The following CUEDC1 variants were observed in gnomAD, a reference collection of about 807,000 sequenced individuals.
CUEDC1 encodes CUE domain containing 1, also known as CUE domain-containing protein 1.
A neutral mutation model predicts 43.7 loss-of-function variants in CUEDC1; 30 were observed. The ratio of observed to expected loss-of-function variants is 0.69; its 90% CI spans 0.51 to 0.93. The LOEUF is 0.93. Among genes scored for constraint, CUEDC1 ranks in the 40% least tolerant of loss-of-function variants. The pLI is 0.00. For synonymous variants in CUEDC1, 223 were observed against 223.6 expected, an observed-to-expected ratio of 1.00 and a Z score of 0.02; for missense variants, 486 against 549.0, an observed-to-expected ratio of 0.89 and a Z score of 1.15.
chr17:57,935,779 A>G (rs1357534370), intron 1 of CUEDC1, among the ~76,000 whole-genome samples: 1 of 152,028 alleles, frequency 6.6e-6, no homozygotes, highest in Non-Finnish European at 1.5e-5. Flanking sequence ...GTCCCACCCC[A>G]ATTCCTTCCT....
intron 1 of CUEDC1, among the ~76,000 whole-genome samples, chr17:57,904,244 G>A (rs2074504683): frequency 1.3e-5 from 2 of 152,180 alleles, no homozygotes; most frequent in South Asian, 2.1e-4. Flanking sequence ...ACCCCACCGC[G>A]TCTCCTAGGT....
At chr17:57,928,734 G>A (rs947618673) in intron 1 of CUEDC1, among the ~76,000 whole-genome samples, 12 of 145,826 alleles carry the variant, frequency 8.2e-5, no homozygotes, top group African/African-American at 2.0e-4. Flanking sequence ...ACTGGCATTC[G>A]AGAATTAGAG....
rs1412949049 is a variant in CUEDC1, at chr17:57,954,435, C to CT, written c.-316+789dup. Among the ~76,000 whole-genome samples, 1 of 152,182 alleles carries CT rather than the reference C, an allele frequency of 6.6e-6. No individual in the cohort carries two copies. Among genetic ancestry groups the CT allele is most frequent in the African/African-American group, 2.4e-5 (1 of 41,444 alleles). ...CAGTGTACGTTTCTTAGAGCTAAAA[C>CT]TTTTTTTAAGGGGAAAAGAAATGGG... On this transcript the variant is annotated intron_variant, in intron 1 of 10. Transcript: ENST00000577830. The surrounding 1 kb of genome is among the most constrained non-coding windows in gnomAD (Gnocchi z 4.3).
chr17:57,916,896 A>AG (rs113656477), intron 1 of CUEDC1, among the ~76,000 whole-genome samples: 1 of 151,958 alleles, frequency 6.6e-6, no homozygotes, highest in Admixed American at 6.6e-5. Context: ...CAGGAGGAGG[A>AG]GGGGGTCAAG....
At position 57,862,813 on chromosome 17, in the gene CUEDC1, G is replaced by T; in HGVS notation, c.*476C>A. The stretch of plus-strand genomic sequence containing the variant: ...GGAGGGAGCTGAGGAAGGGGGACCA[G>T]AAGGGAGCTGAGGAAAGGGGGTCAG... On this transcript the variant is annotated 3_prime_UTR_variant, in exon 11 of 11. Coordinates refer to ENST00000577830, the MANE Select transcript of CUEDC1 (RefSeq NM_001271875.2). The T allele has an allele frequency of 6.5e-6, 1 of 152,798 alleles. No homozygotes were observed. The allele number at this position is 152,798 out of a possible 1,614,324, so 9.5% of individuals were successfully genotyped here.
At chr17:57,870,066 T>A (rs1335323904) in intron 6 of CUEDC1, 5 of 152,558 alleles carry the variant, frequency 3.3e-5, no homozygotes, top group Non-Finnish European at 7.3e-5. Flanking sequence ...ATTTTCTCCC[T>A]TCAAGCTGGG....
At chr17:57,889,696 A>T (rs1304531862) in intron 1 of CUEDC1, among the ~76,000 whole-genome samples, 2 of 152,250 alleles carry the variant, frequency 1.3e-5, no homozygotes, top group Non-Finnish European at 2.9e-5. Context: ...GCTCAGAAAC[A>T]GTAATGGGAA....
Position 57,885,232 on chromosome 17 carries a change from C to T in CUEDC1, c.333G>A (p.Pro111=), listed in dbSNP as rs771931825. The T allele has an allele frequency of 6.4e-7, 1 of 1,572,026 alleles. No homozygotes were observed. The highest frequency in any genetic ancestry group is 8.6e-7 in the Non-Finnish European group (1 of 1,156,188). The part of the protein sequence containing the change: ...DSSDSEDSIP[P]EILERTLEPD... ...ATTACCCGGGCTGCGCCCCTACCTCCGGGGGGATGCTGTCCTCCGAGTCGG... is the reference window on the plus strand; with the variant it reads ...ATTACCCGGGCTGCGCCCCTACCTCTGGGGGGATGCTGTCCTCCGAGTCGG... The change falls in exon 2 of 11, where the codon CCG becomes CCA. Residue 111 remains proline (P), a synonymous_variant. Coordinates refer to ENST00000577830, the MANE Select transcript of CUEDC1 (RefSeq NM_001271875.2).
intron 1 of CUEDC1, among the ~76,000 whole-genome samples, chr17:57,916,481 G>A (rs1013135407): frequency 6.6e-6 from 1 of 152,236 alleles, no homozygotes; most frequent in Non-Finnish European, 1.5e-5. Context: ...GCAACACAAA[G>A]GCTGCACCTG....
chr17:57,901,074 A>G (rs1281615548), intron 1 of CUEDC1, among the ~76,000 whole-genome samples: 3 of 152,242 alleles, frequency 2.0e-5, no homozygotes, highest in African/African-American at 7.2e-5. Context: ...TCTGATACAC[A>G]GTAAATTGTG....
chr17:57,894,554 C>T (rs1291784233), intron 1 of CUEDC1, among the ~76,000 whole-genome samples: 2 of 152,036 alleles, frequency 1.3e-5, no homozygotes, highest in Non-Finnish European at 2.9e-5. Flanking sequence ...GCCTGTAATC[C>T]CAGCTACTTG....
chr17:57,882,414 G>A (rs555599329), intron 2 of CUEDC1, among the ~76,000 whole-genome samples: 1 of 152,216 alleles, frequency 6.6e-6, no homozygotes, highest in South Asian at 2.1e-4. Flanking sequence ...GCCTACCTAG[G>A]GGGTGGTGAA....
chr17:57,934,274 C>T (rs1015217438), intron 1 of CUEDC1, among the ~76,000 whole-genome samples: 3 of 152,050 alleles, frequency 2.0e-5, no homozygotes, highest in African/African-American at 7.2e-5. Flanking sequence ...TGCCTATAGT[C>T]CCAGCTACTC....
chr17:57,929,823 C>T (rs972485722), intron 1 of CUEDC1, among the ~76,000 whole-genome samples: 16 of 152,036 alleles, frequency 1.1e-4, no homozygotes, highest in African/African-American at 2.2e-4. Flanking sequence ...TTTTTTGAGA[C>T]GGAGTTTCGC....
At chr17:57,902,529 A>T (rs139251152) in intron 1 of CUEDC1, among the ~76,000 whole-genome samples, 1 of 152,336 alleles carries the variant, frequency 6.6e-6, no homozygotes, top group East Asian at 1.9e-4. Context: ...GTGCAAAATA[A>T]CTAAAGAGGA....
At position 57,872,873 on chromosome 17, in the gene CUEDC1, C is replaced by T; in HGVS notation, c.592-18G>A. On this transcript the variant is annotated intron_variant, in intron 4 of 10. Transcript: ENST00000577830. The stretch of plus-strand genomic sequence containing the variant: ...GCGTTACCCTGAGGAGGGAAGCGAG[C>T]ATGTTGAATGTGTACACACAAGGGT... 1 of 1,606,450 alleles carries T rather than the reference C, an allele frequency of 6.2e-7. No homozygotes were observed. Among genetic ancestry groups the T allele is most frequent in the Non-Finnish European group, 8.5e-7 (1 of 1,176,700 alleles).
At chr17:57,940,744 C>A (rs2074909677) in intron 1 of CUEDC1, among the ~76,000 whole-genome samples, 1 of 152,200 alleles carries the variant, frequency 6.6e-6, no homozygotes, top group Non-Finnish European at 1.5e-5. Context: ...ATTTCTGGAG[C>A]AACAGTGCCA....
chr17:57,883,914 T>C (rs2074250493), intron 2 of CUEDC1, among the ~76,000 whole-genome samples: 1 of 152,100 alleles, frequency 6.6e-6, no homozygotes, highest in Non-Finnish European at 1.5e-5. Flanking sequence ...GTGTGCCTCA[T>C]CCTTCTGCAC....
intron 5 of CUEDC1, among the ~76,000 whole-genome samples, chr17:57,871,871 C>G (rs2074038916): frequency 6.6e-6 from 1 of 152,208 alleles, no homozygotes; most frequent in South Asian, 2.1e-4. Context: ...TTGCAGTGAG[C>G]CGAGATTGAG....
Sources: allele counts gnomAD v4.1 joint callset (sites outside exome capture counted in the v4.1 genomes callset), GRCh38; gene constraint gnomAD v4.1.1; non-coding constraint Gnocchi (gnomAD v3.1); transcripts MANE v1.5; gene names NCBI Gene and HGNC (gene_info 2026-07-23, HGNC 2026-07-21).